The following BLTP1 variants were observed in gnomAD, a reference collection of about 807,000 sequenced individuals.
BLTP1 encodes the protein bridge-like lipid transfer protein family member 1, also known as fragile site-associated protein.
chr4:122,313,947 C>A, the BLTP1 span: 1 of 597,192 alleles, frequency 1.7e-6, no homozygotes, highest in Non-Finnish European at 2.1e-6. Flanking sequence ...TACTTTCTAT[C>A]CTTCATACTT....
At chr4:122,188,164 T>A in the BLTP1 span, 1 of 1,282,336 alleles carries the variant, frequency 7.8e-7, no homozygotes, top group Admixed American at 3.9e-5. Context: ...TAACATCCTT[T>A]TACTTTTTTT....
chr4:122,335,606 T>C, the BLTP1 span, among the ~76,000 whole-genome samples: 1 of 152,142 alleles, frequency 6.6e-6, no homozygotes, highest in Non-Finnish European at 1.5e-5. Context: ...ATGGCAGCTA[T>C]TAACCCCTTT....
chr4:122,295,905 C>A, the BLTP1 span, among the ~76,000 whole-genome samples: 1 of 152,130 alleles, frequency 6.6e-6, no homozygotes, highest in Non-Finnish European at 1.5e-5. Flanking sequence ...TAAAAACTCT[C>A]AATAAACTAG....
the BLTP1 span, chr4:122,183,645 C>T: frequency 2.7e-6 from 1 of 374,830 alleles, no homozygotes; most frequent in Non-Finnish European, 3.7e-6. Context: ...AAGTTACAAT[C>T]ACAGGAATTT....
chr4:122,224,501 C>G, the BLTP1 span: 1 of 1,609,314 alleles, frequency 6.2e-7, no homozygotes, highest in Non-Finnish European at 8.5e-7. Flanking sequence ...TTTTCAGCAG[C>G]GACCCCCTGT....
the BLTP1 span, chr4:122,247,632 T>C: frequency 2.5e-6 from 3 of 1,210,544 alleles, no homozygotes; most frequent in African/African-American, 3.1e-5. Flanking sequence ...CATGTGTTTT[T>C]TCCATGCTAT....
At chr4:122,355,046 T>C in the BLTP1 span, among the ~76,000 whole-genome samples, 42 of 152,196 alleles carry the variant, frequency 2.8e-4, no homozygotes, top group South Asian at 8.5e-3. Context: ...ATGGATTGAA[T>C]AGAGACTGTT....
chr4:122,276,724 G>A, the BLTP1 span: 30 of 918,146 alleles, frequency 3.3e-5, no homozygotes, highest in East Asian at 1.3e-3. Context: ...GGCCAATTCC[G>A]TAAACTACTG....
At chr4:122,167,776 T>C in the BLTP1 span, 123 of 985,476 alleles carry the variant, frequency 1.2e-4, no homozygotes, top group African/African-American at 2.0e-3. Flanking sequence ...CTGAGACTTC[T>C]GTTTCTCTCT....
chr4:122,345,387 G>A, the BLTP1 span, among the ~76,000 whole-genome samples: 11 of 151,950 alleles, frequency 7.2e-5, no homozygotes, highest in African/African-American at 2.7e-4. Flanking sequence ...GAATATTCTT[G>A]GAGGTAGCAA....
chr4:122,324,549 T>G, the BLTP1 span: 1 of 1,577,362 alleles, frequency 6.3e-7, no homozygotes, highest in African/African-American at 1.4e-5. Flanking sequence ...AATATATATT[T>G]CAGCCATTGA....
At chr4:122,211,861 T>C in the BLTP1 span, 1 of 153,178 alleles carries the variant, frequency 6.5e-6, no homozygotes, top group Non-Finnish European at 1.5e-5. Flanking sequence ...CCCAACAGAT[T>C]ATCAACAATT....
chr4:122,182,973 T>G, the BLTP1 span: 1 of 984,250 alleles, frequency 1.0e-6, no homozygotes, highest in African/African-American at 1.7e-5. Flanking sequence ...TGTATTCTGG[T>G]GAGGAGCAAT....
At chr4:122,209,687 T>C in the BLTP1 span, 1 of 1,179,470 alleles carries the variant, frequency 8.5e-7, no homozygotes, top group African/African-American at 1.6e-5. Context: ...GTGACAAGTA[T>C]TTTGTGCTTA....
chr4:122,358,627 C>A, the BLTP1 span, among the ~76,000 whole-genome samples: 1 of 152,116 alleles, frequency 6.6e-6, no homozygotes, highest in Non-Finnish European at 1.5e-5. Flanking sequence ...ACTGAGCAGG[C>A]CTTAACTGAA....
the BLTP1 span, chr4:122,250,226 C>T: frequency 5.4e-6 from 5 of 918,948 alleles, no homozygotes; most frequent in Non-Finnish European, 7.9e-6. Context: ...TTCAGTGATA[C>T]ATTACTTTTA....
chr4:122,237,278 CTT>C, the BLTP1 span: 1 of 985,250 alleles, frequency 1.0e-6, no homozygotes, highest in South Asian at 4.7e-5. Flanking sequence ...ATAGAATTCT[CTT>C]TTTATTTCCC....
At chr4:122,276,626 T>G in the BLTP1 span, 4 of 979,830 alleles carry the variant, frequency 4.1e-6, no homozygotes, top group African/African-American at 7.0e-5. Context: ...ATGTTGGTGT[T>G]AAACAATGGT....
the BLTP1 span, among the ~76,000 whole-genome samples, chr4:122,233,474 C>A: frequency 2.6e-5 from 4 of 152,130 alleles, no homozygotes; most frequent in African/African-American, 9.7e-5. Flanking sequence ...TTCTACCAAG[C>A]TTTTGCTGTG....
Sources: gnomAD v4.1 joint callset for allele counts (sites outside exome capture counted in the v4.1 genomes callset) on GRCh38, gnomAD v4.1.1 for gene constraint, MANE v1.5 for transcripts, NCBI Gene and HGNC (gene_info 2026-07-23, HGNC 2026-07-21) for gene names.